The following GAS7 variants were observed in gnomAD, a reference collection of about 807,000 sequenced individuals.
The protein encoded by GAS7 is growth arrest specific 7.
Under a neutral mutation model 71.1 loss-of-function variants are expected in GAS7, and 28 were observed. The observed-to-expected ratio is 0.39, with a 90% confidence interval of 0.29 to 0.54. The LOEUF is 0.54. Among genes scored for constraint, GAS7 ranks in the 20% least tolerant of loss-of-function variants. The pLI is 0.62. For missense variants in GAS7, 436 were observed against 627.8 expected (o/e 0.69, Z 3.27); for synonymous variants, 258 against 245.8 (o/e 1.05, Z -0.46).
chr17:9,926,668 G>C lies in GAS7; in HGVS notation c.987C>G (p.Leu329=). The C allele has an allele frequency of 6.2e-7, 1 of 1,613,672 alleles. No homozygotes were observed. The highest frequency in any genetic ancestry group is 8.5e-7 in the Non-Finnish European group (1 of 1,180,014). The change falls in exon 10 of 14, where the codon CTC becomes CTG. Residue 329 remains leucine (L), a synonymous_variant. Transcript: ENST00000432992. This position sits in a 1 kb window ranked among gnomAD's most constrained non-coding sequence, Gnocchi z 5.0. ...TCTCCACCGAGGCATAGCGGCTGGC[G>C]AGCTGCTTGCGAAGGTCGGCAATGT... The part of the protein sequence containing the change: ...DHHIADLRKQ[L]ASRYASVEKA...
At chr17:9,939,970 G>A (rs550102983) in intron 8 of GAS7, among the ~76,000 whole-genome samples, 156 bp downstream of exon 8, 47 of 152,248 alleles carry the variant, frequency 3.1e-4, no homozygotes, top group African/African-American at 9.9e-4. Context: ...CAAGTCATGA[G>A]CACCTACCTG....
intron 9 of GAS7, among the ~76,000 whole-genome samples, chr17:9,931,601 A>G (rs1336250480): frequency 6.6e-6 from 1 of 152,276 alleles, no homozygotes; most frequent in African/African-American, 2.4e-5. Context: ...CATGATCTGC[A>G]GCTGAAAAAT....
rs1293739024 is a variant in GAS7 at position 10,034,662 on chromosome 17, A to C, written c.184-14765T>G. Among the ~76,000 whole-genome samples the C allele has an allele frequency of 6.6e-6, 1 of 152,016 alleles. No homozygotes were observed. Among genetic ancestry groups the C allele is most frequent in the African/African-American group, 2.4e-5 (1 of 41,418 alleles). ...ATATGTTTTAAGGACATGCCATTTT[A>C]ATAGGAGAAAAAAAGTCACATTCAA... is the stretch of plus-strand genomic sequence containing the variant. On this transcript the variant is annotated intron_variant, in intron 1 of 13. Transcript: ENST00000432992. This position sits in a 1 kb window ranked among gnomAD's most constrained non-coding sequence, Gnocchi z 4.4.
In GAS7 at chr17:9,913,687, A is replaced by G. The variant is rs1244558444; in HGVS notation, c.*3541T>C. The stretch of plus-strand genomic sequence containing the variant: ...AAGGAGGCCCAGGGTGGTCCCACTG[A>G]CAGAATCTCAGGGCCGCCATCCCCA... On this transcript the variant is annotated 3_prime_UTR_variant, in exon 14 of 14. Coordinates refer to ENST00000432992, the MANE Select transcript of GAS7 (RefSeq NM_201433.2). The G allele has an allele frequency of 1.7e-5, 4 of 231,432 alleles. No homozygotes were observed. 14.3% of individuals were successfully genotyped at this position (231,432 alleles called of 1,614,324 possible).
At chr17:10,101,681 C>T (rs906380753) in intron 1 of GAS7, among the ~76,000 whole-genome samples, 4 of 152,182 alleles carry the variant, frequency 2.6e-5, no homozygotes, top group Non-Finnish European at 4.4e-5. Context: ...ACTTAAAACC[C>T]AGGGTCCCTC....
At chr17:10,078,053 T>TTGTGTGTG (rs59380311) in intron 1 of GAS7, among the ~76,000 whole-genome samples, 73 of 146,424 alleles carry the variant, frequency 5.0e-4, no homozygotes, top group African/African-American at 1.8e-3. Flanking sequence ...GTTTTTTCTG[T>TTGTGTGTG]TGTGTGTGTG....
At chr17:10,077,041 G>T (rs114679939) in intron 1 of GAS7, among the ~76,000 whole-genome samples, 1 of 152,136 alleles carries the variant, frequency 6.6e-6, no homozygotes, top group Non-Finnish European at 1.5e-5. Context: ...AAGATATGTT[G>T]CTTTGGCCAC....
chr17:10,186,029 C>T (rs545074220), intron 1 of GAS7, among the ~76,000 whole-genome samples: 1 of 148,830 alleles, frequency 6.7e-6, no homozygotes, highest in East Asian at 2.0e-4. Flanking sequence ...ATTCTCGGCT[C>T]ACTGCAAGCT....
chr17:9,940,048 G>C (rs1047939072), intron 8 of GAS7, 78 bp downstream of exon 8: 6 of 861,356 alleles, frequency 7.0e-6, no homozygotes, highest in African/African-American at 6.6e-5. Context: ...CCATGCCAGT[G>C]ATCAGTGATA....
At chr17:9,971,646 G>A (rs1335486519) in intron 3 of GAS7, among the ~76,000 whole-genome samples, 2 of 152,250 alleles carry the variant, frequency 1.3e-5, no homozygotes, top group East Asian at 1.9e-4. Context: ...GGAACCACAA[G>A]CCTGCGTGAT....
intron 2 of GAS7, among the ~76,000 whole-genome samples, chr17:10,014,864 A>C (rs562980311): frequency 6.6e-6 from 1 of 152,266 alleles, no homozygotes; most frequent in South Asian, 2.1e-4. Context: ...GAAAATAAGC[A>C]GATTAGCCAG....
rs2072704678 is a variant in GAS7 at position 10,034,675 on chromosome 17, A to G, written c.184-14778T>C. 6.6e-6 allele frequency among the ~76,000 whole-genome samples: 1 copy of G among 152,130 alleles called. No homozygotes were observed. The highest frequency in any genetic ancestry group is 1.5e-5 in the Non-Finnish European group (1 of 68,014). On this transcript the variant is annotated intron_variant, in intron 1 of 13. Transcript: ENST00000432992. This position sits in a 1 kb window ranked among gnomAD's most constrained non-coding sequence, Gnocchi z 4.4. ...ACATGCCATTTTAATAGGAGAAAAAAAGTCACATTCAAGTGTAGACATGGG... is the reference window on the plus strand; with the variant it reads ...ACATGCCATTTTAATAGGAGAAAAAGAGTCACATTCAAGTGTAGACATGGG...
At chr17:10,057,661 T>A (rs1340699406) in intron 1 of GAS7, among the ~76,000 whole-genome samples, 6 of 151,168 alleles carry the variant, frequency 4.0e-5, no homozygotes, top group Non-Finnish European at 7.4e-5. Context: ...AGCCGCCCCG[T>A]CCGGGAGGTG....
chr17:10,040,227 G>T (rs2072837226), intron 1 of GAS7, among the ~76,000 whole-genome samples: 1 of 152,232 alleles, frequency 6.6e-6, no homozygotes, highest in Non-Finnish European at 1.5e-5. Flanking sequence ...ACAAGCCACA[G>T]GGGCAATATT....
chr17:9,956,983 G>A (rs34988738), intron 5 of GAS7, among the ~76,000 whole-genome samples: 3,703 of 152,290 alleles, frequency 0.024, 67 homozygotes, highest in Middle Eastern at 0.054. Flanking sequence ...CCAAGGCCTG[G>A]AGACCTGTGG....
rs2270121 is a variant in GAS7, at chr17:9,913,354, A to C, written c.*3874T>G. The C allele has an allele frequency of 4.3e-6, 1 of 232,232 alleles. No homozygotes were observed. The highest frequency in any genetic ancestry group is 8.5e-6 in the Non-Finnish European group (1 of 117,184). 14.4% of individuals were successfully genotyped at this position (232,232 alleles called of 1,614,324 possible). On this transcript the variant is annotated 3_prime_UTR_variant, in exon 14 of 14. Transcript: ENST00000432992. The stretch of plus-strand genomic sequence containing the variant: ...TGCATCTTGAGCCTTCTGTTTAAAC[A>C]CTCCTTGTCAAGACTACCTGCAGCT...
intron 1 of GAS7, among the ~76,000 whole-genome samples, chr17:10,154,008 T>C (rs1597823530): frequency 6.6e-6 from 1 of 151,956 alleles, no homozygotes; most frequent in East Asian, 1.9e-4. Flanking sequence ...AGCCCAGGAG[T>C]TTGAGGTAAT....
intron 2 of GAS7, among the ~76,000 whole-genome samples, chr17:9,987,578 G>C (rs544399982): frequency 6.6e-6 from 1 of 152,310 alleles, no homozygotes; most frequent in South Asian, 2.1e-4. Context: ...AGGAGTTCAA[G>C]TCCAGCCTGG....
chr17:10,133,683 C>T (rs2074016692), intron 1 of GAS7, among the ~76,000 whole-genome samples: 1 of 152,052 alleles, frequency 6.6e-6, no homozygotes. Flanking sequence ...AGCATATTCC[C>T]CACCCGCAAC....
Sources: gnomAD v4.1 joint callset for allele counts (sites outside exome capture counted in the v4.1 genomes callset) on GRCh38, gnomAD v4.1.1 for gene constraint, Gnocchi (gnomAD v3.1) non-coding constraint, MANE v1.5 for transcripts, NCBI Gene and HGNC (gene_info 2026-07-23, HGNC 2026-07-21) for gene names.